The following TRPS1 variants were observed in gnomAD, a reference collection of about 807,000 sequenced individuals.
TRPS1 encodes the protein zinc finger transcription factor Trps1.
Under a neutral mutation model 101.2 loss-of-function variants are expected in TRPS1, and 6 were observed. The observed-to-expected ratio is 0.06, with a 90% CI of 0.03 to 0.12. The LOEUF (loss-of-function observed/expected upper bound fraction) is 0.12, where lower values mean the gene tolerates loss of function less well. Ranked by LOEUF, TRPS1 falls within the 10% of genes least tolerant of loss-of-function variation. The probability of loss-of-function intolerance (pLI) is 1.00; values close to 1 mark genes in which losing one functional copy is unlikely to be tolerated. For missense variants in TRPS1, 1,363 were observed against 1,567.0 expected (o/e 0.87, Z 2.20); for synonymous variants, 578 against 589.8 (o/e 0.98, Z 0.29).
chr8:115,498,435 A>C (rs1403628390), intron 5 of TRPS1, among the ~76,000 whole-genome samples: 255 of 135,302 alleles, frequency 1.9e-3, no homozygotes, highest in African/African-American at 5.1e-3. Context: ...ATATATATAT[A>C]TATATATATA....
At chr8:115,633,244 G>T (rs1818690340) in intron 1 of TRPS1, among the ~76,000 whole-genome samples, 1 of 152,014 alleles carries the variant, frequency 6.6e-6, no homozygotes, top group African/African-American at 2.4e-5. Flanking sequence ...ATTTCAAAGG[G>T]TGAGGGGTTT....
At chr8:115,620,181 G>T in intron 2 of TRPS1, 121 bp from the exon 3 acceptor site, 1 of 811,196 alleles carries the variant, frequency 1.2e-6, no homozygotes, top group Non-Finnish European at 1.7e-6. Flanking sequence ...GCTTCCTCTA[G>T]GAAAAAAAAA....
chr8:115,587,527 T>C lies in TRPS1; in HGVS notation c.2174A>G (p.Asn725Ser). 3 of 1,614,130 alleles carry C rather than the reference T, an allele frequency of 1.9e-6. No individual in the cohort carries two copies. Among genetic ancestry groups the C allele is most frequent in the South Asian group, 1.1e-5 (1 of 91,076 alleles). ...ADTQSLLEHFNTVHCQEQDIT... is the reference protein window; with the variant it reads ...ADTQSLLEHFSTVHCQEQDIT... ...GTCCTGTTCCTGGCAGTGAACAGTG[T>C]TGAAGTGCTCCAGTAGTGACTGAGT... Residue 725 changes from asparagine (N) to serine (S), a missense_variant, in exon 5 of 7, where the codon AAC becomes AGC. By Grantham distance (46) the Asn-to-Ser change is conservative (BLOSUM62 1). Coordinates refer to ENST00000395715, the MANE Select transcript of TRPS1 (RefSeq NM_014112.5).
intron 5 of TRPS1, among the ~76,000 whole-genome samples, chr8:115,502,157 C>CT (rs1051854707): frequency 5.3e-5 from 8 of 152,102 alleles, no homozygotes; most frequent in Admixed American, 6.5e-5. Context: ...TTTGAATCGC[C>CT]TTTTTTTCTT....
At chr8:115,479,733 CAAAGG>C (rs1814704534) in intron 5 of TRPS1, among the ~76,000 whole-genome samples, 1 of 151,992 alleles carries the variant, frequency 6.6e-6, no homozygotes, top group Non-Finnish European at 1.5e-5. Context: ...AAATAAGTAG[CAAAGG>C]AAAGTTCTTA....
chr8:115,513,027 C>A (rs967554186), intron 5 of TRPS1, among the ~76,000 whole-genome samples: 11 of 151,634 alleles, frequency 7.3e-5, no homozygotes, highest in Non-Finnish European at 3.0e-5. Flanking sequence ...TGTACCCACA[C>A]CTTCTTATAG....
At chr8:115,512,745 T>C (rs1397538895) in intron 5 of TRPS1, among the ~76,000 whole-genome samples, 5 of 151,772 alleles carry the variant, frequency 3.3e-5, no homozygotes, top group African/African-American at 1.2e-4. Flanking sequence ...TTGAATTCCA[T>C]AAATATATGG....
chr8:115,631,728 A>T (rs969626354), intron 1 of TRPS1, among the ~76,000 whole-genome samples: 2 of 152,108 alleles, frequency 1.3e-5, no homozygotes, highest in African/African-American at 4.8e-5. Flanking sequence ...CTTCAAGGAA[A>T]GTCTGAATCT....
chr8:115,531,271 T>C (rs1474313242), intron 5 of TRPS1, among the ~76,000 whole-genome samples: 3 of 152,150 alleles, frequency 2.0e-5, no homozygotes, highest in South Asian at 2.1e-4. Context: ...CCTGACAATA[T>C]TAAACCGGCT....
chr8:115,535,070 A>ATAT (rs1816250399), intron 5 of TRPS1, among the ~76,000 whole-genome samples: 1 of 147,946 alleles, frequency 6.8e-6, no homozygotes, highest in Non-Finnish European at 1.5e-5. Context: ...GCATATATAT[A>ATAT]AGCATATATA....
chr8:115,591,727 G>A (rs1315879824), intron 4 of TRPS1, among the ~76,000 whole-genome samples: 1 of 152,182 alleles, frequency 6.6e-6, no homozygotes, highest in African/African-American at 2.4e-5. Context: ...AACAGAAAGT[G>A]CAGGGGTAAG....
chr8:115,442,550 CGTGTGTGT>C (rs10570037), intron 5 of TRPS1, among the ~76,000 whole-genome samples: 3 of 145,012 alleles, frequency 2.1e-5, no homozygotes, highest in Admixed American at 6.9e-5. Flanking sequence ...AAGTATGGTG[CGTGTGTGT>C]GTGTGTGTGT....
chr8:115,478,953 ATGTATATATG>A (rs1216915263), intron 5 of TRPS1, among the ~76,000 whole-genome samples: 1 of 149,164 alleles, frequency 6.7e-6, no homozygotes, highest in Non-Finnish European at 1.5e-5. Flanking sequence ...AAATGTATAC[ATGTATATATG>A]TGTATATATG....
intron 4 of TRPS1, among the ~76,000 whole-genome samples, chr8:115,591,289 C>G (rs192908306): frequency 4.9e-4 from 75 of 152,092 alleles, no homozygotes; most frequent in African/African-American, 1.8e-3. Flanking sequence ...AGGAATATAG[C>G]TAAGTAATTA....
chr8:115,641,541 T>A (rs895355218), intron 1 of TRPS1, among the ~76,000 whole-genome samples: 1 of 152,184 alleles, frequency 6.6e-6, no homozygotes, highest in African/African-American at 2.4e-5. Context: ...AAAAATGGGT[T>A]ATCAAATTAC....
chr8:115,577,842 C>T (rs1215126711), intron 5 of TRPS1, among the ~76,000 whole-genome samples: 2 of 152,102 alleles, frequency 1.3e-5, no homozygotes, highest in Non-Finnish European at 2.9e-5. Flanking sequence ...TCCCTCAAAG[C>T]CCATGCCATT....
At chr8:115,465,308 G>A (rs963802773) in intron 5 of TRPS1, among the ~76,000 whole-genome samples, 2 of 152,012 alleles carry the variant, frequency 1.3e-5, no homozygotes, top group Non-Finnish European at 2.9e-5. Context: ...ATTCCACATA[G>A]TTCTAGCATC....
chr8:115,603,910 T>C lies in TRPS1; in HGVS notation c.2059A>G (p.Ile687Val), dbSNP rs1412902207. Residue 687 changes from isoleucine to valine, a missense_variant, in exon 4 of 7, where the codon ATT becomes GTT. Ile to Val is a conservative substitution (Grantham distance 29). Around this residue, in one of 5 missense-constraint regions of TRPS1, gnomAD observed 1,020 missense variants for 1,073.0 expected, o/e 0.95. Transcript: ENST00000395715. ...KEHSCTKCDF[I>V]TQVEEEISRH... ...GAAATCTCTTCTTCCACTTGGGTAA[T>C]AAAATCACATTTGGTACATGAGTGT... 4.3e-6 allele frequency: 7 copies of C among 1,613,918 alleles called. No homozygotes were observed. The highest frequency in any genetic ancestry group is 1.6e-4 in the Middle Eastern group (1 of 6,084).
intron 5 of TRPS1, among the ~76,000 whole-genome samples, chr8:115,425,093 C>T (rs573503524): frequency 3.9e-5 from 6 of 152,248 alleles, no homozygotes; most frequent in Admixed American, 3.9e-4. Context: ...AGATTAATAG[C>T]CAGACTCTTA....
Sources: allele counts gnomAD v4.1 joint callset (sites outside exome capture counted in the v4.1 genomes callset), GRCh38; gene constraint gnomAD v4.1.1; regional missense constraint gnomAD v4.1.1; transcripts MANE v1.5; gene names NCBI Gene and HGNC (gene_info 2026-07-23, HGNC 2026-07-21).